Variants in ARHGAP8 observed in about 807,000 individuals in gnomAD.
The protein encoded by ARHGAP8 is Rho GTPase activating protein 8.
In ARHGAP8, 62 loss-of-function variants were observed where a neutral mutation model predicts 46.1. That is an observed-to-expected ratio of 1.34 (90% CI 1.10 to 1.66). The LOEUF is 1.66. Ranked by LOEUF, ARHGAP8 falls within the 40% of genes most tolerant of loss-of-function variation. The pLI, the probability that ARHGAP8 is intolerant of heterozygous loss-of-function variation, is 0.00. For synonymous variants in ARHGAP8, 375 were observed against 243.1 expected (o/e 1.54, Z -5.05); for missense variants, 923 against 568.4 (o/e 1.62, Z -6.34).
At chr22:44,834,593 G>T (rs1186718498) in intron 7 of ARHGAP8, among the ~76,000 whole-genome samples, 2 of 152,114 alleles carry the variant, frequency 1.3e-5, no homozygotes, top group African/African-American at 4.8e-5. Flanking sequence ...TTGTTGGGTG[G>T]AGTGCTCTAT....
intron 7 of ARHGAP8, among the ~76,000 whole-genome samples, chr22:44,826,185 G>C (rs1341545703): frequency 6.6e-6 from 1 of 152,110 alleles, no homozygotes; most frequent in Non-Finnish European, 1.5e-5. Context: ...GTATAGGCCT[G>C]GGTCCGGTAG....
intron 1 of ARHGAP8, among the ~76,000 whole-genome samples, chr22:44,775,959 A>G (rs1165716286): frequency 2.0e-5 from 3 of 152,208 alleles, no homozygotes; most frequent in African/African-American, 7.2e-5. Flanking sequence ...TGCCTCATTC[A>G]GAAACCAGTA....
rs201123123 is a variant in ARHGAP8 at position 44,859,818 on chromosome 22, T to G, written c.965T>G (p.Met322Arg). Reference protein sequence around the residue: ...EHNYVVLRYLMGFLHAVSRES... With the variant: ...EHNYVVLRYLRGFLHAVSRES... ...AACTACGTCGTCCTCCGCTACCTCA[T>G]GGGCTTCCTGCATGCGGTGAGTGGG... Residue 322 changes from methionine (M) to arginine (R), a missense_variant, in exon 11 of 12, where the codon ATG (methionine) becomes AGG (arginine). Physicochemically the swap from Met to Arg is moderately conservative, Grantham distance 91 (BLOSUM62 -1). Coordinates refer to ENST00000356099, the MANE Select transcript of ARHGAP8 (RefSeq NM_181335.3). 18 of 1,613,760 alleles carry G rather than the reference T, an allele frequency of 1.1e-5. No homozygotes were observed. Among genetic ancestry groups the G allele is most frequent in the Admixed American group, 8.3e-5 (5 of 60,000 alleles).
At chr22:44,777,985 T>C (rs1369165140) in intron 1 of ARHGAP8, among the ~76,000 whole-genome samples, 1 of 151,662 alleles carries the variant, frequency 6.6e-6, no homozygotes, top group African/African-American at 2.4e-5. Flanking sequence ...CATGAGCCAC[T>C]GTGCCTGGAC....
intron 1 of ARHGAP8, among the ~76,000 whole-genome samples, chr22:44,765,667 T>TC (rs960417260): frequency 2.6e-5 from 4 of 151,256 alleles, no homozygotes; most frequent in African/African-American, 9.7e-5. Flanking sequence ...TGGCAGGGAG[T>TC]CCCCCCGGGC....
intron 1 of ARHGAP8, among the ~76,000 whole-genome samples, chr22:44,781,083 C>A (rs1454748204): frequency 6.6e-6 from 1 of 152,142 alleles, no homozygotes; most frequent in African/African-American, 2.4e-5. Context: ...GCGCTGCCGG[C>A]GGCTGCCGGG....
intron 7 of ARHGAP8, among the ~76,000 whole-genome samples, chr22:44,841,947 G>T (rs1202669073): frequency 1.3e-5 from 2 of 152,196 alleles, no homozygotes; most frequent in African/African-American, 2.4e-5. Context: ...CTCCCGTGTG[G>T]CTCCTGATCA....
chr22:44,815,648 C>T (rs954984797), intron 5 of ARHGAP8, among the ~76,000 whole-genome samples: 5 of 152,112 alleles, frequency 3.3e-5, no homozygotes, highest in South Asian at 4.2e-4. Context: ...AGCCACAGCC[C>T]GGAAATGTGG....
chr22:44,822,619 G>A (rs545843222), intron 6 of ARHGAP8, 150 bp downstream of exon 6: 65 of 638,504 alleles, frequency 1.0e-4, no homozygotes, highest in Middle Eastern at 7.9e-4. Flanking sequence ...ACAAAGATCC[G>A]CAGCAAAAGG....
chr22:44,787,283 G>A (rs1389739311), intron 2 of ARHGAP8, among the ~76,000 whole-genome samples: 2 of 152,188 alleles, frequency 1.3e-5, no homozygotes, highest in South Asian at 2.1e-4. Flanking sequence ...AAACAACTCC[G>A]TGCCCAGCAG....
intron 1 of ARHGAP8, among the ~76,000 whole-genome samples, chr22:44,772,325 TGA>T: frequency 7.2e-6 from 1 of 137,954 alleles, no homozygotes. Flanking sequence ...CTACACTGAT[TGA>T]CTTTTTTTTT....
chr22:44,758,604 C>T (rs1314113914), intron 1 of ARHGAP8, among the ~76,000 whole-genome samples: 1 of 150,136 alleles, frequency 6.7e-6, no homozygotes, highest in African/African-American at 2.5e-5. Context: ...CAGGGCTGTG[C>T]GTTCCAGGTA....
At chr22:44,813,583 C>T (rs1488922234) in intron 4 of ARHGAP8, among the ~76,000 whole-genome samples, 2 of 151,680 alleles carry the variant, frequency 1.3e-5, no homozygotes, top group African/African-American at 4.9e-5. Flanking sequence ...TACACACACA[C>T]CACTTACAGC....
At chr22:44,757,171 C>A (rs1924750573) in intron 1 of ARHGAP8, among the ~76,000 whole-genome samples, 1 of 152,138 alleles carries the variant, frequency 6.6e-6, no homozygotes, top group African/African-American at 2.4e-5. Flanking sequence ...CCATCTTGGC[C>A]CCCCAAAGTG....
chr22:44,860,270 C>G (rs2253586), intron 11 of ARHGAP8, among the ~76,000 whole-genome samples: 79,680 of 151,514 alleles, frequency 0.53, 21,196 homozygotes, highest in East Asian at 0.62. Flanking sequence ...ATCGTGGGTG[C>G]CTTAAAACAG....
At chr22:44,785,301 C>T (rs528710577) in intron 1 of ARHGAP8, among the ~76,000 whole-genome samples, 2 of 152,302 alleles carry the variant, frequency 1.3e-5, no homozygotes, top group South Asian at 4.1e-4. Flanking sequence ...CAGCAAAGTG[C>T]CACAACCTGG....
chr22:44,851,157 G>A (rs977494587), intron 10 of ARHGAP8, among the ~76,000 whole-genome samples: 1 of 152,044 alleles, frequency 6.6e-6, no homozygotes, highest in Non-Finnish European at 1.5e-5. Flanking sequence ...ACTGCCTCCG[G>A]TCATAAAGAT....
chr22:44,862,728 C>A lies in ARHGAP8; in HGVS notation c.*133C>A. ...AGAACCTTCTAATGAAAACTCCATG[C>A]CTCTGGTCCTTGGACTCTTGTCCAT... On this transcript the variant is annotated 3_prime_UTR_variant, in exon 12 of 12. Transcript: ENST00000356099. 2 of 1,118,364 alleles carry A rather than the reference C, an allele frequency of 1.8e-6. No homozygotes were observed. Among genetic ancestry groups the A allele is most frequent in the Non-Finnish European group, 2.4e-6 (2 of 816,890 alleles). 69.3% of individuals were successfully genotyped at this position (1,118,364 alleles called of 1,614,324 possible). A position where few individuals can be genotyped will look rare whatever the true frequency, so the allele number is the denominator to read the frequency against.
intron 10 of ARHGAP8, among the ~76,000 whole-genome samples, chr22:44,851,760 G>C (rs900726432): frequency 6.6e-6 from 1 of 152,072 alleles, no homozygotes; most frequent in Non-Finnish European, 1.5e-5. Context: ...GATCACCTGA[G>C]CCTGGGAGTT....
Sources: allele counts gnomAD v4.1 joint callset (sites outside exome capture counted in the v4.1 genomes callset), GRCh38; gene constraint gnomAD v4.1.1; transcripts MANE v1.5; gene names NCBI Gene and HGNC (gene_info 2026-07-23, HGNC 2026-07-21).